SPTBN5: variants seen among roughly 807,000 people sequenced by gnomAD.
The protein encoded by SPTBN5 is spectrin beta chain, non-erythrocytic 5.
In SPTBN5, 513 loss-of-function variants were observed where a neutral mutation model predicts 477.6. That is an observed-to-expected ratio of 1.07 (90% CI 1.00 to 1.16). SPTBN5 has a LOEUF of 1.16. SPTBN5 is among the 50% of genes most tolerant of loss of function. The pLI is 0.00. For missense variants in SPTBN5, 5,062 were observed against 4,731.8 expected, an observed-to-expected ratio of 1.07 and a Z score of -2.05; for synonymous variants, 2,169 against 2,011.7, an observed-to-expected ratio of 1.08 and a Z score of -2.09.
chr15:41,856,242 G>A, intron 53 of SPTBN5, 144 bp downstream of exon 53: 1 of 757,442 alleles, frequency 1.3e-6, no homozygotes, highest in Non-Finnish European at 2.0e-6. Flanking sequence ...TGGGAAACAT[G>A]TGGAAGGAAG....
intron 19 of SPTBN5, 70 bp downstream of exon 19, chr15:41,876,739 C>A: frequency 6.2e-7 from 1 of 1,606,722 alleles, no homozygotes; most frequent in South Asian, 1.1e-5. Context: ...CTCTCCCAGC[C>A]CTAGGGCGGC....
At position 41,863,820 on chromosome 15, in the gene SPTBN5, T is replaced by C; in HGVS notation, c.7035-2A>G. The C allele has an allele frequency of 6.2e-7, 1 of 1,613,866 alleles. No individual in the cohort carries two copies. Among genetic ancestry groups the C allele is most frequent in the Non-Finnish European group, 8.5e-7 (1 of 1,179,864 alleles). On this transcript the variant is annotated splice_acceptor_variant, in intron 40 of 67. Transcript: ENST00000320955. LOFTEE classifies it high-confidence loss of function. ...AAGTTGCCATGGAAACTCGCCCACC[T>C]GGCCAAGGGGTGGTGGTGTCATGTG...
chr15:41,855,188 C>A, intron 55 of SPTBN5, 36 bp downstream of exon 55: 2 of 1,581,934 alleles, frequency 1.3e-6, no homozygotes, highest in South Asian at 1.1e-5. Flanking sequence ...TCAGCCTCTG[C>A]CCACTCCCCG....
chr15:41,864,579 G>A (rs1567198218), intron 39 of SPTBN5, among the ~76,000 whole-genome samples: 2 of 152,228 alleles, frequency 1.3e-5, no homozygotes, highest in South Asian at 2.1e-4. Flanking sequence ...CTCCCAAACT[G>A]CTGGGATTAC....
chr15:41,878,719 G>T, intron 16 of SPTBN5, 90 bp from the exon 17 acceptor site: 1 of 1,410,618 alleles, frequency 7.1e-7, no homozygotes, highest in East Asian at 2.5e-5. Context: ...GCATCCCCCA[G>T]GGAGAGTGGT....
In SPTBN5 at chr15:41,879,261, T is replaced by G. The variant is rs754782463; in HGVS notation, c.3181A>C (p.Lys1061Gln). The change falls in exon 16 of 68, where the codon AAG becomes CAG. Residue 1061 changes from lysine to glutamine, a missense_variant and splice_region_variant. Transcript: ENST00000320955. ...ATGCCACCACTGCGCTGGCCGTACT[T>G]TACGACCACACTTTGGAGGAAGTGG... ...RVHFLQSVVV[K>Q]VEEPGYAESQ... 2 of 1,610,684 alleles carry G rather than the reference T, an allele frequency of 1.2e-6. No homozygotes were observed. The highest frequency in any genetic ancestry group is 1.7e-6 in the Non-Finnish European group (2 of 1,178,962).
intron 15 of SPTBN5, 102 bp from the exon 16 acceptor site, chr15:41,879,601 G>C (rs1595498741): frequency 2.6e-6 from 4 of 1,548,672 alleles, no homozygotes; most frequent in East Asian, 4.6e-5. Flanking sequence ...CAGACTGGCT[G>C]TCCCTTGCCC....
intron 1 of SPTBN5, 137 bp downstream of exon 1, chr15:41,893,762 T>A: frequency 1.7e-6 from 1 of 579,310 alleles, no homozygotes; most frequent in African/African-American, 1.9e-5. Context: ...TCAGAGCCCC[T>A]GCTGCCAGGT....
chr15:41,862,192 T>G lies in SPTBN5; in HGVS notation c.7486A>C (p.Ser2496Arg). The change falls in exon 44 of 68, where the codon AGC (serine) becomes CGC (arginine). Residue 2496 changes from serine (S) to arginine (R), a missense_variant. By Grantham distance (110) the Ser-to-Arg change is moderately radical. Coordinates refer to ENST00000320955, the MANE Select transcript of SPTBN5 (RefSeq NM_016642.4). ...TCCACAGGGCTGCGAGGAGCGGGGCTCGTGTCCATCTGAGCCCGCAGCCTC... is the reference window on the plus strand; with the variant it reads ...TCCACAGGGCTGCGAGGAGCGGGGCGCGTGTCCATCTGAGCCCGCAGCCTC... ...AQRLRAQMDT[S>R]PAPRSPVEAR... is the part of the protein sequence containing the mutation. The G allele has an allele frequency of 6.2e-7, 1 of 1,610,200 alleles. No individual in the cohort carries two copies. The highest frequency in any genetic ancestry group is 8.5e-7 in the Non-Finnish European group (1 of 1,178,262).
At position 41,868,524 on chromosome 15, in the gene SPTBN5, A is replaced by T. The variant is rs1197042911; in HGVS notation, c.5931T>A (p.Ser1977Arg). The T allele has an allele frequency of 2.5e-6, 4 of 1,609,076 alleles. No homozygotes were observed. The highest frequency in any genetic ancestry group is 3.4e-6 in the Non-Finnish European group (4 of 1,179,716). Residue 1977 changes from serine (S) to arginine (R), a missense_variant, in exon 33 of 68, where the codon AGT becomes AGA. By Grantham distance (110) the Ser-to-Arg change is moderately radical. Coordinates refer to ENST00000320955, the MANE Select transcript of SPTBN5 (RefSeq NM_016642.4). ...QVEESSQEPS[S>R]GPLKLSAHQW... Reference sequence around the variant, plus strand: ...GGTGGGCACTGAGCTTCAGCGGGCCACTGCTAGGCTCTTGCGAACTCTCCT... The same window carrying T: ...GGTGGGCACTGAGCTTCAGCGGGCCTCTGCTAGGCTCTTGCGAACTCTCCT...
chr15:41,859,978 G>A (rs999390552), intron 47 of SPTBN5, among the ~76,000 whole-genome samples: 1 of 152,224 alleles, frequency 6.6e-6, no homozygotes, highest in African/African-American at 2.4e-5. Flanking sequence ...CTAAAAGTCT[G>A]AGGAGCTGCA....
At chr15:41,874,726 T>C in intron 23 of SPTBN5, 116 bp downstream of exon 23, 2 of 1,094,852 alleles carry the variant, frequency 1.8e-6, no homozygotes, top group Non-Finnish European at 2.6e-6. Context: ...CATCCCAGAA[T>C]GACTCTACTC....
chr15:41,885,752 C>A lies in SPTBN5; in HGVS notation c.1503G>T (p.Trp501Cys). 2 of 1,556,854 alleles carry A rather than the reference C, an allele frequency of 1.3e-6. No homozygotes were observed. The highest frequency in any genetic ancestry group is 2.4e-5 in the East Asian group (1 of 41,356). Reference protein sequence around the residue: ...DILRQEQYHSWADVARRQEEV... With the variant: ...DILRQEQYHSCADVARRQEEV... ...GGGCTCACCTGCGGGCCACATCTGC[C>A]CAGCTGTGGTACTGCTCCTGCCGGA... Residue 501 changes from tryptophan (W) to cysteine (C), a missense_variant, in exon 7 of 68, where the codon TGG becomes TGT. Physicochemically the swap from Trp to Cys is radical, Grantham distance 215 (BLOSUM62 -2). Transcript: ENST00000320955.
At position 41,879,739 on chromosome 15, in the gene SPTBN5, G is replaced by C; in HGVS notation, c.2937C>G (p.Ser979Arg). The C allele has an allele frequency of 6.2e-7, 1 of 1,613,700 alleles. No individual in the cohort carries two copies. The highest frequency in any genetic ancestry group is 8.5e-7 in the Non-Finnish European group (1 of 1,179,870). ...TQIQRQQEELSQRWGQLEALK... is the reference protein window; with the variant it reads ...TQIQRQQEELRQRWGQLEALK... ...CACTCCTGCCTCATTCTCACCTCTG[G>C]CTCAGTTCCTCCTGCTGTCGTTGGA... Residue 979 changes from serine (S) to arginine (R), a missense_variant, in exon 15 of 68, where the codon AGC becomes AGG. Transcript: ENST00000320955.
intron 4 of SPTBN5, 34 bp from the exon 5 acceptor site, chr15:41,888,119 G>A (rs1226010959): frequency 1.3e-6 from 2 of 1,544,060 alleles, no homozygotes; most frequent in South Asian, 2.4e-5. Context: ...CACCATGCGG[G>A]GATGGGGTGG....
At chr15:41,871,641 C>T in intron 28 of SPTBN5, 121 bp from the exon 29 acceptor site, 1 of 1,414,082 alleles carries the variant, frequency 7.1e-7, no homozygotes, top group Non-Finnish European at 9.3e-7. Context: ...ACGGCGTCTG[C>T]CCGCTCCACT....
chr15:41,855,689 G>A lies in SPTBN5; in HGVS notation c.9078C>T (p.Asp3026=). 6.2e-7 allele frequency: 1 copy of A among 1,601,890 alleles called. No homozygotes were observed. The highest frequency in any genetic ancestry group is 8.5e-7 in the Non-Finnish European group (1 of 1,176,508). ...AERGHVLDSE[D]MGHSAEATQA... ...GTGTGGCTTCAGCACTGTGGCCCAT[G>A]TCCTCGCTGTCCAGGACATGGCCCC... Residue 3026 remains aspartate (D), a synonymous_variant, in exon 54 of 68, where the codon GAC becomes GAT. Coordinates refer to ENST00000320955, the MANE Select transcript of SPTBN5 (RefSeq NM_016642.4).
Position 41,876,950 on chromosome 15 carries a change from T to C in SPTBN5, c.3712-2A>G. The C allele has an allele frequency of 6.2e-7, 1 of 1,604,728 alleles. No homozygotes were observed. The highest frequency in any genetic ancestry group is 1.1e-5 in the South Asian group (1 of 89,936). ...GCTCAGGGCCTCCCTCACGTCCTCC[T>C]GGGAGTGCAGAGACCTGAGGTCATG... On this transcript the variant is annotated splice_acceptor_variant, in intron 18 of 67. Coordinates refer to ENST00000320955, the MANE Select transcript of SPTBN5 (RefSeq NM_016642.4). LOFTEE classifies it high-confidence loss of function.
chr15:41,868,666 C>T (rs2066424947), intron 32 of SPTBN5, 65 bp from the exon 33 acceptor site: 1 of 1,526,408 alleles, frequency 6.6e-7, no homozygotes, highest in Non-Finnish European at 8.9e-7. Flanking sequence ...AAACCAGGTG[C>T]TGAGGCAACT....
Sources: gnomAD v4.1 joint callset for allele counts (sites outside exome capture counted in the v4.1 genomes callset) on GRCh38, gnomAD v4.1.1 for gene constraint, MANE v1.5 for transcripts, NCBI Gene and HGNC (gene_info 2026-07-23, HGNC 2026-07-21) for gene names.